Variants in EFCAB8 observed in about 807,000 individuals in gnomAD.
EFCAB8 encodes the protein EF-hand calcium binding domain 8.
A neutral mutation model predicts 116.3 loss-of-function variants in EFCAB8; 100 were observed. That is an observed-to-expected ratio of 0.86 (90% CI 0.73 to 1.02). EFCAB8 has a LOEUF of 1.02. Among genes scored for constraint, EFCAB8 ranks in the 50% least tolerant of loss-of-function variants. EFCAB8 has a pLI of 0.00. For synonymous variants in EFCAB8, 558 were observed against 567.9 expected (o/e 0.98, Z 0.25); for missense variants, 1,320 against 1,416.9 (o/e 0.93, Z 1.10).
At chr20:32,959,741 T>C in intron 24 of EFCAB8, 37 bp from the exon 25 acceptor site, 2 of 1,421,976 alleles carry the variant, frequency 1.4e-6, no homozygotes, top group Non-Finnish European at 1.9e-6. Context: ...TGCTTTGCAG[T>C]GGGGGGACAT....
intron 10 of EFCAB8, 69 bp from the exon 11 acceptor site, chr20:32,898,424 T>G: frequency 1.5e-6 from 1 of 685,574 alleles, no homozygotes; most frequent in Non-Finnish European, 2.8e-6. Context: ...CACCTGGTCA[T>G]GTTCTGGGGG....
At chr20:32,866,851 TTCTC>T (rs566572880) in intron 2 of EFCAB8, among the ~76,000 whole-genome samples, 10 of 148,220 alleles carry the variant, frequency 6.7e-5, no homozygotes, top group East Asian at 4.1e-4. Flanking sequence ...CTTCCTTTCT[TTCTC>T]TCTCTCTTTC....
Position 32,906,666 on chromosome 20 carries a change from G to A in EFCAB8, c.1156+37G>A, listed in dbSNP as rs527677078. Reference sequence around the variant, plus strand: ...TCATGTCACCCAGAAGCTGCTGGGGGGAGGGCTGCTGGGGATGGGGGGACC... The same window carrying A: ...TCATGTCACCCAGAAGCTGCTGGGGAGAGGGCTGCTGGGGATGGGGGGACC... On this transcript the variant is annotated intron_variant, in intron 12 of 26. Coordinates refer to ENST00000400522, the MANE Select transcript of EFCAB8 (RefSeq NM_001143967.2). The A allele has an allele frequency of 1.1e-4, 81 of 717,702 alleles. No homozygotes were observed. The African/African-American group carries it at 1.3e-3, about 12-fold the overall frequency. The allele number at this position is 717,702 out of a possible 1,614,324, so 44.5% of individuals were successfully genotyped here.
rs138245179 is a variant in EFCAB8, at chr20:32,902,411, G to T, written c.1088+3788G>T. ...CAGAGACACATGTTCCCTTCCTTCA[G>T]CCTGGGTGACAGAGCAAGACCCTGT... is the stretch of plus-strand genomic sequence containing the variant. On this transcript the variant is annotated intron_variant, in intron 11 of 26. Coordinates refer to ENST00000400522, the MANE Select transcript of EFCAB8 (RefSeq NM_001143967.2). Among the ~76,000 whole-genome samples, 451 of 152,202 alleles carry T rather than the reference G, an allele frequency of 3.0e-3. 2 individuals are homozygous for T. Among genetic ancestry groups the T allele is most frequent in the African/African-American group, 0.01 (427 of 41,544 alleles).
chr20:32,930,541 T>C lies in EFCAB8; in HGVS notation c.2556T>C (p.Asp852=), dbSNP rs1479181195. 5.2e-6 allele frequency: 8 copies of C among 1,552,110 alleles called. No homozygotes were observed. The highest frequency in any genetic ancestry group is 7.0e-6 in the Non-Finnish European group (8 of 1,147,106). Residue 852 remains aspartate (D), a synonymous_variant, in exon 21 of 27, where the codon GAT becomes GAC. Coordinates refer to ENST00000400522, the MANE Select transcript of EFCAB8 (RefSeq NM_001143967.2). The part of the protein sequence containing the change: ...GKFPVDLDNG[D]VVVGAMATDK... Reference sequence around the variant, plus strand: ...TCCCTGTGGACCTAGACAATGGGGATGTTGTCGTGGGTGCCATGGCCACTG... The same window carrying C: ...TCCCTGTGGACCTAGACAATGGGGACGTTGTCGTGGGTGCCATGGCCACTG...
Position 32,917,395 on chromosome 20 carries a change from C to T in EFCAB8, c.1951C>T (p.Leu651Phe). ...CATGGCCAAGTACCGGAACCAGTTC[C>T]TTGGGACCTCCTCCTACAGTGGGGA... ...LSMAKYRNQF[L>F]GTSSYSGDIL... Residue 651 changes from leucine to phenylalanine, a missense_variant, in exon 18 of 27, where the codon CTT (leucine) becomes TTT (phenylalanine). Leu to Phe is a conservative substitution (Grantham distance 22). Transcript: ENST00000400522. 1 of 1,551,920 alleles carries T rather than the reference C, an allele frequency of 6.4e-7. No individual in the cohort carries two copies. The highest frequency in any genetic ancestry group is 8.7e-7 in the Non-Finnish European group (1 of 1,147,016).
At chr20:32,937,289 A>G (rs1988159491) in intron 22 of EFCAB8, among the ~76,000 whole-genome samples, 1 of 152,128 alleles carries the variant, frequency 6.6e-6, no homozygotes, top group Admixed American at 6.6e-5. Flanking sequence ...ACCTAGCTGA[A>G]AACCACACTT....
At chr20:32,909,730 C>T (rs1036874388) in intron 14 of EFCAB8, 91 bp from the exon 15 acceptor site, 10 of 576,222 alleles carry the variant, frequency 1.7e-5, no homozygotes, top group Admixed American at 1.3e-4. Context: ...GTCTTGATGT[C>T]GTGATTTATT....
At chr20:32,960,959 G>A (rs1401149186) in intron 26 of EFCAB8, among the ~76,000 whole-genome samples, 177 bp from the exon 27 acceptor site, 3 of 152,242 alleles carry the variant, frequency 2.0e-5, no homozygotes, top group Non-Finnish European at 4.4e-5. Context: ...CTGGTGCAGG[G>A]TGGATGCATG....
At chr20:32,917,125 T>G (rs1406615396) in intron 17 of EFCAB8, 176 bp from the exon 18 acceptor site, 5 of 596,908 alleles carry the variant, frequency 8.4e-6, no homozygotes, top group South Asian at 8.1e-5. Context: ...GTAGAAAGCA[T>G]GTAGTAAGCG....
intron 20 of EFCAB8, among the ~76,000 whole-genome samples, chr20:32,920,513 A>T (rs1218456105): frequency 6.6e-6 from 1 of 152,214 alleles, no homozygotes; most frequent in African/African-American, 2.4e-5. Flanking sequence ...AGACCTCACA[A>T]TCATGGCGGG....
At chr20:32,902,134 C>G (rs1986457935) in intron 11 of EFCAB8, among the ~76,000 whole-genome samples, 1 of 152,174 alleles carries the variant, frequency 6.6e-6, no homozygotes, top group Non-Finnish European at 1.5e-5. Flanking sequence ...AGAGTATCTT[C>G]TTACAATATT....
intron 22 of EFCAB8, among the ~76,000 whole-genome samples, chr20:32,932,464 C>T (rs937790679): frequency 1.2e-4 from 19 of 152,112 alleles, no homozygotes; most frequent in Non-Finnish European, 2.2e-4. Flanking sequence ...AGTCAGGTAA[C>T]GTAAAAAGGC....
At position 32,898,568 on chromosome 20, in the gene EFCAB8, G is replaced by A. The variant is rs143754678; in HGVS notation, c.1033G>A (p.Glu345Lys). The A allele has an allele frequency of 6.8e-4, 490 of 718,686 alleles. 5 individuals carry two copies. The East Asian group carries it at 0.013, about 19-fold the overall frequency. The allele number at this position is 718,686 out of a possible 1,614,324, so 44.5% of individuals were successfully genotyped here. A position where few individuals can be genotyped will look rare whatever the true frequency, so the allele number is the denominator to read the frequency against. Residue 345 changes from glutamate to lysine, a missense_variant, in exon 11 of 27, where the codon GAG becomes AAG. Physicochemically the swap from Glu to Lys is moderately conservative, Grantham distance 56. Coordinates refer to ENST00000400522, the MANE Select transcript of EFCAB8 (RefSeq NM_001143967.2). The part of the protein sequence containing the change: ...MNVVVSCSAI[E>K]KSSLVLTILP... ...TGTGGTAGTCTCCTGTTCAGCCATC[G>A]AGAAGTCCTCTCTGGTGCTGACAAT...
At chr20:32,960,031 G>A (rs749241010) in intron 25 of EFCAB8, 32 bp from the exon 26 acceptor site, 3 of 1,551,474 alleles carry the variant, frequency 1.9e-6, no homozygotes, top group African/African-American at 1.4e-5. Context: ...CCCCCAACTC[G>A]CAGCCTTCAT....
intron 26 of EFCAB8, 54 bp downstream of exon 26, chr20:32,960,215 C>A: frequency 6.7e-7 from 1 of 1,485,218 alleles, no homozygotes; most frequent in South Asian, 1.2e-5. Context: ...CCAGGGGATC[C>A]CATGTCCACC....
chr20:32,927,356 T>G (rs190860679), intron 20 of EFCAB8, among the ~76,000 whole-genome samples: 1 of 152,162 alleles, frequency 6.6e-6, no homozygotes, highest in Non-Finnish European at 1.5e-5. Context: ...TAATTTAAAA[T>G]TTTTTTGAGA....
intron 3 of EFCAB8, among the ~76,000 whole-genome samples, chr20:32,875,117 G>A (rs1429346324): frequency 6.6e-6 from 1 of 152,196 alleles, no homozygotes; most frequent in Non-Finnish European, 1.5e-5. Context: ...TATGGAAATG[G>A]GAGTTGGTCT....
intron 8 of EFCAB8, 143 bp downstream of exon 8, chr20:32,892,440 G>A: frequency 2.9e-6 from 2 of 685,050 alleles, no homozygotes; most frequent in Admixed American, 2.6e-5. Context: ...CAAGGCCCCT[G>A]TGTCTTCCTC....
Sources: allele counts gnomAD v4.1 joint callset (sites outside exome capture counted in the v4.1 genomes callset), GRCh38; gene constraint gnomAD v4.1.1; transcripts MANE v1.5; gene names NCBI Gene and HGNC (gene_info 2026-07-23, HGNC 2026-07-21).